Variants in PTPRS observed in about 807,000 individuals in gnomAD.
PTPRS encodes the protein protein tyrosine phosphatase receptor type S, also known as receptor-type tyrosine-protein phosphatase S.
PTPRS carries 63 observed loss-of-function variants against 215.3 expected under a neutral mutation model. That is an observed-to-expected ratio of 0.29 (90% CI 0.24 to 0.36). PTPRS has a LOEUF of 0.36. Among genes scored for constraint, PTPRS ranks in the 10% least tolerant of loss-of-function variants. PTPRS has a pLI of 1.00. For missense variants in PTPRS, 2,258 were observed against 2,825.8 expected (o/e 0.80, Z 4.56); for synonymous variants, 1,404 against 1,191.4 (o/e 1.18, Z -3.68).
At chr19:5,299,826 C>T (rs1341077866) in intron 1 of PTPRS, among the ~76,000 whole-genome samples, 2 of 151,914 alleles carry the variant, frequency 1.3e-5, no homozygotes, top group Admixed American at 6.6e-5. Context: ...GCTGAGATCG[C>T]GCCATTGCAC....
chr19:5,298,358 C>G (rs994412430), intron 1 of PTPRS, among the ~76,000 whole-genome samples: 8 of 152,198 alleles, frequency 5.3e-5, no homozygotes, highest in African/African-American at 1.9e-4. Flanking sequence ...GATGGGGAAC[C>G]CTCAGATAAA....
Position 5,219,423 on chromosome 19 carries a change from G to A in PTPRS, c.3810C>T (p.Asn1270=), listed in dbSNP as rs1490741221. ...SPFSDPFQLD[N]PDPQPIVDGE... ...CATCCACGATGGGCTGGGGGTCCGGGTTATCCAGCTGGAAGGGGTCTGAGA... is the reference window on the plus strand; with the variant it reads ...CATCCACGATGGGCTGGGGGTCCGGATTATCCAGCTGGAAGGGGTCTGAGA... Residue 1270 remains asparagine, a synonymous_variant, in exon 23 of 38, where the codon AAC becomes AAT. Transcript: ENST00000262963. 1 of 1,611,642 alleles carries A rather than the reference G, an allele frequency of 6.2e-7. No individual in the cohort carries two copies. The highest frequency in any genetic ancestry group is 8.5e-7 in the Non-Finnish European group (1 of 1,178,924).
chr19:5,289,025 G>C (rs749512492), intron 1 of PTPRS, among the ~76,000 whole-genome samples: 1 of 150,914 alleles, frequency 6.6e-6, no homozygotes, highest in African/African-American at 2.5e-5. Flanking sequence ...GAGCATTTGG[G>C]GCATTGGATG....
At chr19:5,298,591 C>T (rs1293151812) in intron 1 of PTPRS, among the ~76,000 whole-genome samples, 3 of 152,220 alleles carry the variant, frequency 2.0e-5, no homozygotes, top group African/African-American at 7.2e-5. Flanking sequence ...GCATTCATGA[C>T]CCGGGGCATG....
chr19:5,229,754 G>C (rs2042860542), intron 14 of PTPRS, 70 bp from the exon 15 acceptor site: 1 of 986,966 alleles, frequency 1.0e-6, no homozygotes, highest in Admixed American at 4.4e-5. Context: ...GCCCCGGGCA[G>C]TGCCACTGTC....
intron 16 of PTPRS, among the ~76,000 whole-genome samples, chr19:5,226,620 A>C (rs1375804986): frequency 6.6e-6 from 1 of 151,358 alleles, no homozygotes; most frequent in Non-Finnish European, 1.5e-5. Context: ...GTGGTGGCAC[A>C]TGCCTGTAGT....
At chr19:5,340,601 C>T (rs989943731) in intron 1 of PTPRS, 63 bp downstream of exon 1, 8 of 151,354 alleles carry the variant, frequency 5.3e-5, no homozygotes, top group African/African-American at 1.7e-4. Context: ...CCGAGACCCC[C>T]CTTGGAGCGC....
intron 7 of PTPRS, 71 bp downstream of exon 7, chr19:5,260,734 T>C (rs1599759951): frequency 6.3e-7 from 1 of 1,579,060 alleles, no homozygotes; most frequent in South Asian, 1.1e-5. Context: ...GGGCAGGCCC[T>C]GTGGAGCCTG....
At chr19:5,322,484 G>T (rs1038534721) in intron 1 of PTPRS, among the ~76,000 whole-genome samples, 3 of 152,050 alleles carry the variant, frequency 2.0e-5, no homozygotes, top group African/African-American at 2.4e-5. Flanking sequence ...CGCGGGGACC[G>T]ACTCGAGCCC....
chr19:5,276,788 C>T (rs538030366), intron 2 of PTPRS, among the ~76,000 whole-genome samples: 90 of 151,540 alleles, frequency 5.9e-4, no homozygotes, highest in Middle Eastern at 3.5e-3. Context: ...GTGATCCGCC[C>T]GCCTCAGTCT....
intron 1 of PTPRS, among the ~76,000 whole-genome samples, chr19:5,304,378 G>A (rs754887591): frequency 2.6e-5 from 4 of 152,230 alleles, no homozygotes; most frequent in Non-Finnish European, 4.4e-5. Context: ...TACTTGGGAA[G>A]CTGAGGCAGG....
chr19:5,277,356 G>T (rs1228748931), intron 2 of PTPRS, among the ~76,000 whole-genome samples: 1 of 152,070 alleles, frequency 6.6e-6, no homozygotes, highest in Non-Finnish European at 1.5e-5. Flanking sequence ...TACTACATAA[G>T]TATAAAAAGG....
intron 26 of PTPRS, among the ~76,000 whole-genome samples, chr19:5,216,408 G>A (rs886806682): frequency 3.9e-5 from 6 of 152,032 alleles, no homozygotes; most frequent in African/African-American, 1.5e-4. Context: ...GTCCCTAGCT[G>A]TCCTGGGTGC....
In PTPRS at chr19:5,338,791, G is replaced by A. The variant is rs1313205521; in HGVS notation, c.-95+1873C>T. Among the ~76,000 whole-genome samples the A allele has an allele frequency of 1.3e-5, 2 of 152,202 alleles. No homozygotes were observed. Among genetic ancestry groups the A allele is most frequent in the Non-Finnish European group, 2.9e-5 (2 of 68,024 alleles). Reference sequence around the variant, plus strand: ...GCCATTAATAAACGCTCCAGCAGCTGCCGCTGGTATCGCAGGAGCAGAGGA... The same window carrying A: ...GCCATTAATAAACGCTCCAGCAGCTACCGCTGGTATCGCAGGAGCAGAGGA... On this transcript the variant is annotated intron_variant, in intron 1 of 37. Transcript: ENST00000262963. This position sits in a 1 kb window ranked among gnomAD's most constrained non-coding sequence, Gnocchi z 4.2.
At chr19:5,299,001 T>A (rs2049224637) in intron 1 of PTPRS, among the ~76,000 whole-genome samples, 1 of 152,208 alleles carries the variant, frequency 6.6e-6, no homozygotes, top group African/African-American at 2.4e-5. Context: ...TCTTTCTCCA[T>A]ATTCCCTTCC....
chr19:5,262,294 A>T (rs2046060704), intron 6 of PTPRS, among the ~76,000 whole-genome samples: 1 of 152,156 alleles, frequency 6.6e-6, no homozygotes, highest in African/African-American at 2.4e-5. Context: ...AGTCTTTTCA[A>T]GTTGGCCAAA....
At chr19:5,246,250 C>A (rs1222546196) in intron 9 of PTPRS, among the ~76,000 whole-genome samples, 1 of 151,428 alleles carries the variant, frequency 6.6e-6, no homozygotes, top group Non-Finnish European at 1.5e-5. Flanking sequence ...ATTTTTTTCC[C>A]CCAAATGAAA....
intron 4 of PTPRS, among the ~76,000 whole-genome samples, chr19:5,269,743 A>C (rs565940988): frequency 6.6e-6 from 1 of 152,180 alleles, no homozygotes; most frequent in East Asian, 1.9e-4. Context: ...CAACATGGCG[A>C]AACACTGTGT....
rs2049055751 is a variant in PTPRS at position 5,294,287 on chromosome 19, C to A, written c.-94-8053G>T. 1 of 152,590 alleles carries A rather than the reference C, an allele frequency of 6.6e-6. No homozygotes were observed. The highest frequency in any genetic ancestry group is 2.1e-4 in the South Asian group (1 of 4,840). The allele number at this position is 152,590 out of a possible 1,614,324, so 9.5% of individuals were successfully genotyped here. On this transcript the variant is annotated intron_variant, in intron 1 of 37. Transcript: ENST00000262963. This position sits in a 1 kb window ranked among gnomAD's most constrained non-coding sequence, Gnocchi z 5.1. ...ACCATCACCCCCATTCTGCAAAGAA[C>A]GGAGCCGAGAAAGAGAGAGAAACGG...
Sources: allele counts gnomAD v4.1 joint callset (sites outside exome capture counted in the v4.1 genomes callset), GRCh38; gene constraint gnomAD v4.1.1; non-coding constraint Gnocchi (gnomAD v3.1); transcripts MANE v1.5; gene names NCBI Gene and HGNC (gene_info 2026-07-23, HGNC 2026-07-21).